The following XK variants were observed in gnomAD, a reference collection of about 807,000 sequenced individuals.
XK encodes the protein endoplasmic reticulum membrane adapter protein XK.
In XK, 2 loss-of-function variants were observed where a neutral mutation model predicts 14.0. That is an observed-to-expected ratio of 0.14 (90% CI 0.06 to 0.45). The LOEUF is 0.45. XK is among the 20% of genes least tolerant of loss of function. The pLI is 0.98. For missense variants in XK, 235 were observed against 341.5 expected, an observed-to-expected ratio of 0.69 and a Z score of 2.46; for synonymous variants, 149 against 147.5, an observed-to-expected ratio of 1.01 and a Z score of -0.08.
At position 37,727,715 on chromosome X, in the gene XK, C is replaced by T. The variant is rs1556450321; in HGVS notation, c.588C>T (p.Tyr196=). The T allele has an allele frequency of 6.6e-6, 8 of 1,209,321 alleles. No individual in the cohort carries two copies. Among genetic ancestry groups the T allele is most frequent in the Middle Eastern group, 2.3e-4 (1 of 4,352 alleles). Residue 196 remains tyrosine, a synonymous_variant, in exon 3 of 3, where the codon TAC becomes TAT. Transcript: ENST00000378616. The part of the protein sequence containing the change: ...RCNILAIKIK[Y]DEYEVKVKPL... Reference sequence around the variant, plus strand: ...ACATCCTAGCCATCAAAATCAAGTACGATGAGTATGAAGTCAAAGTGAAGC... The same window carrying T: ...ACATCCTAGCCATCAAAATCAAGTATGATGAGTATGAAGTCAAAGTGAAGC...
chrX:37,728,251 C>T lies in XK; in HGVS notation c.1124C>T (p.Pro375Leu). The T allele has an allele frequency of 8.3e-7, 1 of 1,211,358 alleles. No individual in the cohort carries two copies. The highest frequency in any genetic ancestry group is 1.1e-6 in the Non-Finnish European group (1 of 895,382). ...CTTGTATTCTATCAGTTCTTCCACC[C>T]TTGCAAAAAGCTCTTTTCTTCCAGT... The part of the protein sequence containing the change: ...FMLVFYQFFH[P>L]CKKLFSSSVS... Residue 375 changes from proline to leucine, a missense_variant, in exon 3 of 3, where the codon CCT (proline) becomes CTT (leucine). Transcript: ENST00000378616.
rs150315121 is a variant in XK at position 37,727,892 on chromosome X, C to G, written c.765C>G (p.Leu255=). 1.3e-4 allele frequency: 155 copies of G among 1,209,197 alleles called. No individual in the cohort carries two copies. The African/African-American group carries it at 2.5e-3, about 19-fold the overall frequency. ...FFSFFLYPWI[L]FWCSGSPFPE... ...GTTTCTTCTTGTACCCCTGGATCCT[C>G]TTCTGGTGCAGTGGTTCCCCATTCC... Residue 255 remains leucine, a synonymous_variant, in exon 3 of 3, where the codon CTC becomes CTG. Transcript: ENST00000378616.
In XK at chrX:37,685,915, C is replaced by A. The variant is rs1556440046; in HGVS notation, c.-47C>A. 3.4e-6 allele frequency: 4 copies of A among 1,174,920 alleles called. No homozygotes were observed. Among genetic ancestry groups the A allele is most frequent in the South Asian group, 1.9e-5 (1 of 53,764 alleles). On this transcript the variant is annotated 5_prime_UTR_variant, in exon 1 of 3. Transcript: ENST00000378616. The stretch of plus-strand genomic sequence containing the variant: ...GGCCGCCGCCGCCACAGCCACACAG[C>A]CGCCGCCACTGCGTCCGTCCCCGGT...
rs781820115 is a variant in XK at position 37,686,198 on chromosome X, C to A, written c.237C>A (p.Pro79=). ...TGCTGCACCTGCTGCAACTTGGGCCCCTTTTCAGGTGCGTGCAGAAGCCCA... is the reference window on the plus strand; with the variant it reads ...TGCTGCACCTGCTGCAACTTGGGCCACTTTTCAGGTGCGTGCAGAAGCCCA... ...VLLLHLLQLG[P]LFRCFEVFCI... is the part of the protein sequence containing the mutation. The change falls in exon 1 of 3, where the codon CCC becomes CCA. Residue 79 remains proline (P), a synonymous_variant. Transcript: ENST00000378616. The A allele has an allele frequency of 8.3e-7, 1 of 1,207,734 alleles. No individual in the cohort carries two copies.
chrX:37,708,031 C>G (rs1447131793), intron 2 of XK, among the ~76,000 whole-genome samples: 2 of 112,571 alleles, frequency 1.8e-5, no homozygotes, highest in Non-Finnish European at 3.8e-5. Flanking sequence ...CAGCGAAACC[C>G]CATCTCCACC....
chrX:37,714,614 T>A (rs908508198), intron 2 of XK, among the ~76,000 whole-genome samples: 9 of 111,351 alleles, frequency 8.1e-5, no homozygotes, highest in African/African-American at 2.9e-4. Context: ...TAAAATAGAA[T>A]TTCAAGATGA....
At chrX:37,713,242 G>A (rs1419733246) in intron 2 of XK, among the ~76,000 whole-genome samples, 1 of 111,827 alleles carries the variant, frequency 8.9e-6, no homozygotes, top group Non-Finnish European at 1.9e-5. Context: ...TGCTTAGCTG[G>A]GACTGAGGGC....
At chrX:37,722,498 G>T (rs991432013) in intron 2 of XK, among the ~76,000 whole-genome samples, 2 of 111,907 alleles carry the variant, frequency 1.8e-5, no homozygotes, top group Non-Finnish European at 3.8e-5. Context: ...TGAGTTGAAA[G>T]AAAACAGATA....
At chrX:37,708,076 G>C (rs1261044196) in intron 2 of XK, among the ~76,000 whole-genome samples, 1 of 112,342 alleles carries the variant, frequency 8.9e-6, no homozygotes, top group African/African-American at 3.2e-5. Context: ...CGTGGCGGCG[G>C]GCGCCTGCAA....
intron 2 of XK, among the ~76,000 whole-genome samples, chrX:37,695,368 T>C (rs1377169009): frequency 1.8e-5 from 2 of 110,837 alleles, no homozygotes; most frequent in Non-Finnish European, 3.8e-5. Flanking sequence ...TATCAGTTTA[T>C]AAGTCAAGAC....
At chrX:37,696,169 A>G (rs1199997318) in intron 2 of XK, among the ~76,000 whole-genome samples, 1 of 112,344 alleles carries the variant, frequency 8.9e-6, no homozygotes, top group African/African-American at 3.2e-5. Context: ...TTCTATTGGA[A>G]TGCAGCCCTG....
intron 2 of XK, among the ~76,000 whole-genome samples, chrX:37,725,533 A>G (rs1927959257): frequency 9.0e-6 from 1 of 111,258 alleles, no homozygotes; most frequent in Admixed American, 9.5e-5. Context: ...TACAGTTGGG[A>G]GGTTTCTTAT....
intron 1 of XK, among the ~76,000 whole-genome samples, chrX:37,691,026 A>T (rs1386458026): frequency 8.9e-6 from 1 of 112,180 alleles, no homozygotes; most frequent in Non-Finnish European, 1.9e-5. Context: ...TTACAAATGT[A>T]TTAAACACCT....
chrX:37,697,601 C>T (rs1556442709), intron 2 of XK, among the ~76,000 whole-genome samples: 1 of 111,968 alleles, frequency 8.9e-6, no homozygotes, highest in Non-Finnish European at 1.9e-5. Flanking sequence ...GCAGAGTTTG[C>T]CATGAGGGAG....
At chrX:37,704,326 G>C (rs975689129) in intron 2 of XK, among the ~76,000 whole-genome samples, 4 of 111,561 alleles carry the variant, frequency 3.6e-5, no homozygotes, top group Admixed American at 1.9e-4. Flanking sequence ...TTGAGGCCAG[G>C]AGTTCAAGAC....
intron 1 of XK, among the ~76,000 whole-genome samples, chrX:37,692,026 A>G (rs1273830254): frequency 9.0e-6 from 1 of 111,580 alleles, no homozygotes; most frequent in East Asian, 2.8e-4. Flanking sequence ...GTACTTCTAT[A>G]CCATTGATGT....
At chrX:37,707,875 AG>A (rs1556445707) in intron 2 of XK, among the ~76,000 whole-genome samples, 2 of 112,236 alleles carry the variant, frequency 1.8e-5, no homozygotes, top group African/African-American at 6.5e-5. Flanking sequence ...TGGAGGTTGT[AG>A]CAAGCCAAGA....
chrX:37,727,489 G>A (rs1489146381), intron 2 of XK, 147 bp from the exon 3 acceptor site: 3 of 538,426 alleles, frequency 5.6e-6, no homozygotes, highest in Non-Finnish European at 6.4e-6. Context: ...CTCAAGCACA[G>A]TGGGCAGATG....
At chrX:37,696,165 T>C (rs781969193) in intron 2 of XK, among the ~76,000 whole-genome samples, 1 of 112,424 alleles carries the variant, frequency 8.9e-6, no homozygotes, top group African/African-American at 3.2e-5. Flanking sequence ...AAAGTTCTAT[T>C]GGAATGCAGC....
Sources: gnomAD v4.1 joint callset for allele counts (sites outside exome capture counted in the v4.1 genomes callset) on GRCh38, gnomAD v4.1.1 for gene constraint, MANE v1.5 for transcripts, NCBI Gene and HGNC (gene_info 2026-07-23, HGNC 2026-07-21) for gene names.